The following GPR39 variants were observed in gnomAD, a reference collection of about 807,000 sequenced individuals.
GPR39 encodes zinc sensing receptor.
In GPR39, 23 loss-of-function variants were observed where a neutral mutation model predicts 18.4. The observed-to-expected ratio is 1.25, with a 90% CI of 0.90 to 1.77. The LOEUF (loss-of-function observed/expected upper bound fraction) is 1.77. GPR39 is among the 40% of genes most tolerant of loss of function. The probability of loss-of-function intolerance (pLI) is 0.00; values close to 1 mark genes in which losing one functional copy is unlikely to be tolerated. For missense variants in GPR39, 647 were observed against 602.4 expected (o/e 1.07, Z -0.78); for synonymous variants, 280 against 257.9 (o/e 1.09, Z -0.82).
At chr2:132,495,787 C>T (rs1207225655) in intron 1 of GPR39, among the ~76,000 whole-genome samples, 5 of 146,640 alleles carry the variant, frequency 3.4e-5, no homozygotes, top group Non-Finnish European at 5.9e-5. Flanking sequence ...TCCTCTCTTT[C>T]ATCCCTCTCT....
At chr2:132,564,148 A>G (rs559925936) in intron 1 of GPR39, among the ~76,000 whole-genome samples, 2 of 152,336 alleles carry the variant, frequency 1.3e-5, no homozygotes, top group African/African-American at 4.8e-5. Flanking sequence ...GCGGCTGAGG[A>G]TCACTGAGGT....
chr2:132,510,993 A>C (rs1308021902), intron 1 of GPR39, among the ~76,000 whole-genome samples: 2 of 152,238 alleles, frequency 1.3e-5, no homozygotes, highest in Admixed American at 6.5e-5. Flanking sequence ...CTTTATCCAA[A>C]ATGTATTATT....
At chr2:132,594,817 C>A (rs1002823903) in intron 1 of GPR39, among the ~76,000 whole-genome samples, 4 of 152,020 alleles carry the variant, frequency 2.6e-5, no homozygotes, top group Non-Finnish European at 2.9e-5. Context: ...AGTTACTTCG[C>A]CACTCTATGC....
intron 1 of GPR39, among the ~76,000 whole-genome samples, chr2:132,558,216 A>C (rs1680189717): frequency 6.6e-6 from 1 of 152,164 alleles, no homozygotes; most frequent in Non-Finnish European, 1.5e-5. Flanking sequence ...TAAGTTTCTT[A>C]GTCTCTCTAA....
intron 1 of GPR39, among the ~76,000 whole-genome samples, chr2:132,540,303 T>A (rs949360751): frequency 6.6e-6 from 1 of 152,122 alleles, no homozygotes; most frequent in Non-Finnish European, 1.5e-5. Context: ...GAAGGCAGCA[T>A]GAGCCCCAGG....
intron 1 of GPR39, among the ~76,000 whole-genome samples, chr2:132,535,108 C>G (rs984168805): frequency 8.6e-5 from 13 of 152,002 alleles, no homozygotes; most frequent in African/African-American, 2.4e-4. Context: ...ACTTCCAGTA[C>G]TATGTTGAGT....
chr2:132,612,195 T>C (rs1681249940), intron 1 of GPR39, among the ~76,000 whole-genome samples: 1 of 152,144 alleles, frequency 6.6e-6, no homozygotes, highest in Admixed American at 6.5e-5. Context: ...TCAGCCTTCC[T>C]TCCTTTGTAG....
At chr2:132,598,567 T>C (rs1278014242) in intron 1 of GPR39, among the ~76,000 whole-genome samples, 1 of 151,534 alleles carries the variant, frequency 6.6e-6, no homozygotes, top group Non-Finnish European at 1.5e-5. Flanking sequence ...ACAACTGAAT[T>C]CCTTGTTCTA....
chr2:132,528,147 T>C (rs1375718294), intron 1 of GPR39, among the ~76,000 whole-genome samples: 1 of 152,236 alleles, frequency 6.6e-6, no homozygotes, highest in Non-Finnish European at 1.5e-5. Flanking sequence ...TTTCTTCACA[T>C]GGCTAGTGAG....
At chr2:132,468,133 C>T (rs1474171710) in intron 1 of GPR39, among the ~76,000 whole-genome samples, 1 of 152,092 alleles carries the variant, frequency 6.6e-6, no homozygotes, top group Non-Finnish European at 1.5e-5. Flanking sequence ...AATATTTGTG[C>T]AGGTCCCATG....
intron 1 of GPR39, among the ~76,000 whole-genome samples, chr2:132,447,414 T>G (rs1370691528): frequency 2.6e-5 from 4 of 152,226 alleles, no homozygotes; most frequent in African/African-American, 7.2e-5. Flanking sequence ...TACAATTTTC[T>G]GAATGCTTCA....
At position 132,593,770 on chromosome 2, in the gene GPR39, A is replaced by G. The variant is rs192228432; in HGVS notation, c.857-51331A>G. ...TTCAGGGACAGGTCCTGGTTGGAGG[A>G]TGAAAACTTCAAGAAAGAGATGGGA... is the stretch of plus-strand genomic sequence containing the variant. On this transcript the variant is annotated intron_variant, in intron 1 of 1. Transcript: ENST00000329321. Among the ~76,000 whole-genome samples the G allele has an allele frequency of 3.2e-3, 483 of 152,146 alleles. 2 individuals carry two copies. Among genetic ancestry groups the G allele is most frequent in the Non-Finnish European group, 5.2e-3 (351 of 68,000 alleles).
intron 1 of GPR39, among the ~76,000 whole-genome samples, chr2:132,564,071 C>A (rs888354319): frequency 2.0e-5 from 3 of 152,230 alleles, no homozygotes; most frequent in Non-Finnish European, 2.9e-5. Flanking sequence ...AAAAGAAAAT[C>A]CATTGTCATA....
rs558351682 is a variant in GPR39, at chr2:132,611,486, C to T, written c.857-33615C>T. 4.6e-5 allele frequency among the ~76,000 whole-genome samples: 7 copies of T among 152,302 alleles called. No individual in the cohort carries two copies. The South Asian group carries it at 1.5e-3, about 32-fold the overall frequency. Reference sequence around the variant, plus strand: ...ATTTAGGCGAGAAATCAGTAAGCTCCAGAAGGCTGGGAAGATACTAAACTA... The same window carrying T: ...ATTTAGGCGAGAAATCAGTAAGCTCTAGAAGGCTGGGAAGATACTAAACTA... On this transcript the variant is annotated intron_variant, in intron 1 of 1. Transcript: ENST00000329321.
chr2:132,511,423 A>G (rs138734311), intron 1 of GPR39, among the ~76,000 whole-genome samples: 1 of 152,366 alleles, frequency 6.6e-6, no homozygotes, highest in East Asian at 1.9e-4. Context: ...ATACTACACT[A>G]ATTTGAATGA....
chr2:132,609,897 C>G lies in GPR39; in HGVS notation c.857-35204C>G, dbSNP rs539692262. The stretch of plus-strand genomic sequence containing the variant: ...GCCTCTCCATTGTCACCTCTGACTA[C>G]AGCCAGCCTGACCTTCCAGCTTTGT... On this transcript the variant is annotated intron_variant, in intron 1 of 1. Coordinates refer to ENST00000329321, the MANE Select transcript of GPR39 (RefSeq NM_001508.3). 3.9e-5 allele frequency among the ~76,000 whole-genome samples: 6 copies of G among 152,258 alleles called. No individual in the cohort carries two copies. In the South Asian group the frequency reaches 1.2e-3, roughly 32 times the overall value.
chr2:132,427,169 AT>A (rs541308673), intron 1 of GPR39, among the ~76,000 whole-genome samples: 47 of 105,818 alleles, frequency 4.4e-4, no homozygotes, highest in South Asian at 1.0e-3. Context: ...TATATATGAA[AT>A]TTTTTTTTTT....
chr2:132,575,013 T>G (rs1680505246), intron 1 of GPR39, among the ~76,000 whole-genome samples: 1 of 152,228 alleles, frequency 6.6e-6, no homozygotes, highest in Non-Finnish European at 1.5e-5. Context: ...TTCTGCATAT[T>G]CTGTATCTAC....
intron 1 of GPR39, among the ~76,000 whole-genome samples, chr2:132,450,490 C>G (rs767938325): frequency 2.0e-5 from 3 of 152,184 alleles, no homozygotes; most frequent in African/African-American, 7.2e-5. Flanking sequence ...ATGGTTGTTA[C>G]CTACACCTGG....
Sources: allele counts gnomAD v4.1 joint callset (sites outside exome capture counted in the v4.1 genomes callset), GRCh38; gene constraint gnomAD v4.1.1; transcripts MANE v1.5; gene names NCBI Gene and HGNC (gene_info 2026-07-23, HGNC 2026-07-21).